UBAC2: variants seen among roughly 807,000 people sequenced by gnomAD.
UBAC2 encodes the protein UBA domain containing 2.
UBAC2 carries 26 observed loss-of-function variants against 44.0 expected under a neutral mutation model. That is an observed-to-expected ratio of 0.59 (90% confidence interval 0.43 to 0.82). The LOEUF is 0.82. UBAC2 is among the 40% of genes least tolerant of loss of function. UBAC2 has a pLI of 0.00. For synonymous variants in UBAC2, 155 were observed against 154.3 expected (o/e 1.00, Z -0.04); for missense variants, 329 against 419.4 (o/e 0.78, Z 1.88).
At chr13:99,216,669 A>G (rs1223579417) in intron 1 of UBAC2, among the ~76,000 whole-genome samples, 1 of 152,060 alleles carries the variant, frequency 6.6e-6, no homozygotes, top group Admixed American at 6.6e-5. Context: ...CTCTGGACTC[A>G]GTTGAAAGGA....
At chr13:99,244,387 G>C in intron 3 of UBAC2, 128 bp from the exon 4 acceptor site, 1 of 595,224 alleles carries the variant, frequency 1.7e-6, no homozygotes. Context: ...ACACACATAT[G>C]CATGTGTGTA....
rs559800420 is a variant in UBAC2, at chr13:99,228,395, C to T, written c.32-10032C>T. On this transcript the variant is annotated intron_variant, in intron 1 of 8. Coordinates refer to ENST00000403766, the MANE Select transcript of UBAC2 (RefSeq NM_001144072.2). ...CTCCACCTCCTGGGTTCAAGCGATT[C>T]TCCTGCCTCAGCCTCCTGAATAGCT... Among the ~76,000 whole-genome samples, 8 of 151,878 alleles carry T rather than the reference C, an allele frequency of 5.3e-5. No individual in the cohort carries two copies. In the East Asian group the frequency reaches 1.5e-3, roughly 29 times the overall value.
intron 7 of UBAC2, among the ~76,000 whole-genome samples, chr13:99,362,662 A>G (rs1230334267): frequency 6.6e-6 from 1 of 152,244 alleles, no homozygotes; most frequent in African/African-American, 2.4e-5. Flanking sequence ...TAAATGGAGT[A>G]TTCATATACA....
At chr13:99,367,513 C>T (rs909068587) in intron 7 of UBAC2, among the ~76,000 whole-genome samples, 5 of 152,186 alleles carry the variant, frequency 3.3e-5, no homozygotes, top group African/African-American at 9.7e-5. Flanking sequence ...TGTACAGTGT[C>T]TTTCACTGCC....
intron 4 of UBAC2, among the ~76,000 whole-genome samples, chr13:99,309,853 C>T (rs1337303372): frequency 6.6e-6 from 1 of 152,220 alleles, no homozygotes; most frequent in Non-Finnish European, 1.5e-5. Flanking sequence ...CTCAAGCCAT[C>T]TGCCCACCTT....
chr13:99,325,555 T>C (rs1341847475), intron 6 of UBAC2, among the ~76,000 whole-genome samples: 1 of 152,222 alleles, frequency 6.6e-6, no homozygotes, highest in Non-Finnish European at 1.5e-5. Context: ...TGACTTTATT[T>C]ATGAGAGCTC....
At chr13:99,224,490 C>T (rs12583989) in intron 1 of UBAC2, among the ~76,000 whole-genome samples, 38,327 of 152,044 alleles carry the variant, frequency 0.25, 6,031 homozygotes, top group Non-Finnish European at 0.35. Flanking sequence ...GATTTATCTA[C>T]GTCCCATTTC....
intron 6 of UBAC2, among the ~76,000 whole-genome samples, chr13:99,328,529 T>C (rs537437207): frequency 3.9e-5 from 6 of 152,362 alleles, no homozygotes; most frequent in South Asian, 2.1e-4. Context: ...GTTTTAGCTT[T>C]AGCCGCTCTA....
intron 2 of UBAC2, among the ~76,000 whole-genome samples, chr13:99,242,479 C>A (rs1425137926): frequency 8.1e-5 from 6 of 73,638 alleles, no homozygotes; most frequent in Non-Finnish European, 1.1e-4. Flanking sequence ...CCTCCCTCCC[C>A]GACGGGGCGG....
intron 7 of UBAC2, among the ~76,000 whole-genome samples, chr13:99,357,625 G>T (rs1234244479): frequency 6.6e-6 from 1 of 152,198 alleles, no homozygotes; most frequent in Non-Finnish European, 1.5e-5. Flanking sequence ...ATGAGGAGCT[G>T]CCATTTGTGG....
chr13:99,304,752 A>C (rs2044307231), intron 4 of UBAC2, among the ~76,000 whole-genome samples: 1 of 152,226 alleles, frequency 6.6e-6, no homozygotes, highest in African/African-American at 2.4e-5. Context: ...CAGGGCACTT[A>C]AGTGACCAAA....
At chr13:99,217,190 C>T (rs919072249) in intron 1 of UBAC2, among the ~76,000 whole-genome samples, 1 of 152,190 alleles carries the variant, frequency 6.6e-6, no homozygotes, top group Admixed American at 6.5e-5. Context: ...TTGTTCCCCA[C>T]TTCAGCTAGG....
At chr13:99,208,742 G>A (rs974091018) in intron 1 of UBAC2, among the ~76,000 whole-genome samples, 3 of 152,204 alleles carry the variant, frequency 2.0e-5, no homozygotes, top group East Asian at 3.8e-4. Context: ...AATAGGAGGA[G>A]GAAGGAGAGG....
chr13:99,315,766 A>G (rs1197664687), intron 5 of UBAC2, among the ~76,000 whole-genome samples: 1 of 152,140 alleles, frequency 6.6e-6, no homozygotes, highest in Non-Finnish European at 1.5e-5. Flanking sequence ...ATATCTCTAT[A>G]GCTACCACTA....
Position 99,270,903 on chromosome 13 carries a change from A to G in UBAC2, c.389+26279A>G, listed in dbSNP as rs555517016. ...GTAGCCACTTAGTAAATGTTTGGGTATTTATGCATGCATGAATGAATGAGA... is the reference window on the plus strand; with the variant it reads ...GTAGCCACTTAGTAAATGTTTGGGTGTTTATGCATGCATGAATGAATGAGA... On this transcript the variant is annotated intron_variant, in intron 4 of 8. Coordinates refer to ENST00000403766, the MANE Select transcript of UBAC2 (RefSeq NM_001144072.2). Among the ~76,000 whole-genome samples the G allele has an allele frequency of 2.0e-4, 31 of 152,358 alleles. 1 individual carries two copies. The South Asian group carries it at 6.2e-3, about 31-fold the overall frequency.
At chr13:99,260,012 T>C (rs1046606193) in intron 4 of UBAC2, among the ~76,000 whole-genome samples, 15 of 152,212 alleles carry the variant, frequency 9.9e-5, no homozygotes, top group African/African-American at 3.6e-4. Context: ...TGCTCTCCAT[T>C]CCAGCCCTCT....
chr13:99,235,942 T>G (rs1566460197), intron 1 of UBAC2, among the ~76,000 whole-genome samples: 1 of 152,054 alleles, frequency 6.6e-6, no homozygotes, highest in Non-Finnish European at 1.5e-5. Context: ...GACTCCAGCT[T>G]GGGCAATAGA....
chr13:99,215,915 C>T (rs2042988473), intron 1 of UBAC2, among the ~76,000 whole-genome samples: 1 of 152,218 alleles, frequency 6.6e-6, no homozygotes, highest in Non-Finnish European at 1.5e-5. Context: ...TGATGTGGTG[C>T]TAGTCTGAAA....
intron 4 of UBAC2, among the ~76,000 whole-genome samples, chr13:99,260,965 A>G (rs1437414023): frequency 6.6e-6 from 1 of 152,236 alleles, no homozygotes; most frequent in Non-Finnish European, 1.5e-5. Flanking sequence ...CCAGTTTTTG[A>G]GTGAATATAA....
Sources: allele counts gnomAD v4.1 joint callset (sites outside exome capture counted in the v4.1 genomes callset), GRCh38; gene constraint gnomAD v4.1.1; transcripts MANE v1.5; gene names NCBI Gene and HGNC (gene_info 2026-07-23, HGNC 2026-07-21).